Variants in LANCL3 observed in about 807,000 individuals in gnomAD.
LANCL3 encodes lanC-like protein 3.
A neutral mutation model predicts 26.5 loss-of-function variants in LANCL3; 19 were observed. The ratio of observed to expected loss-of-function variants is 0.72; its 90% CI spans 0.50 to 1.05. The LOEUF is 1.05. Among genes scored for constraint, LANCL3 ranks in the 50% least tolerant of loss-of-function variants. The pLI is 0.00. For missense variants in LANCL3, 318 were observed against 362.7 expected, an observed-to-expected ratio of 0.88 and a Z score of 1.00; for synonymous variants, 160 against 166.6, an observed-to-expected ratio of 0.96 and a Z score of 0.30.
chrX:37,572,097 T>C lies in LANCL3; in HGVS notation c.227T>C (p.Leu76Pro), dbSNP rs1556415621. ...YGGVAGVAYMLYHVSQSPLFA... is the reference protein window; with the variant it reads ...YGGVAGVAYMPYHVSQSPLFA... ...GGCGTGGCCGGAGTGGCGTATATGCTCTACCACGTCTCGCAGAGCCCGCTT... is the reference window on the plus strand; with the variant it reads ...GGCGTGGCCGGAGTGGCGTATATGCCCTACCACGTCTCGCAGAGCCCGCTT... The change falls in exon 1 of 5, where the codon CTC becomes CCC. Residue 76 changes from leucine (L) to proline (P), a missense_variant. Leu to Pro is a moderately conservative substitution (Grantham distance 98). Transcript: ENST00000378619. The C allele has an allele frequency of 8.4e-7, 1 of 1,189,782 alleles. No individual in the cohort carries two copies. Among genetic ancestry groups the C allele is most frequent in the East Asian group, 3.0e-5 (1 of 33,399 alleles).
chrX:37,612,100 C>T (rs1348424308), intron 1 of LANCL3, among the ~76,000 whole-genome samples: 3 of 110,093 alleles, frequency 2.7e-5, no homozygotes, highest in African/African-American at 9.9e-5. Context: ...GCCATGAGTC[C>T]TGGCTAATTT....
At chrX:37,651,617 T>TA in intron 1 of LANCL3, among the ~76,000 whole-genome samples, 1 of 111,412 alleles carries the variant, frequency 9.0e-6, no homozygotes, top group African/African-American at 3.3e-5. Flanking sequence ...TTTTTTTTTT[T>TA]ATACTTTAAG....
intron 1 of LANCL3, among the ~76,000 whole-genome samples, chrX:37,649,929 A>T (rs1488632780): frequency 3.6e-5 from 4 of 110,980 alleles, no homozygotes; most frequent in African/African-American, 9.9e-5. Context: ...TGGTTTTAAG[A>T]ACTATTTTTG....
intron 4 of LANCL3, among the ~76,000 whole-genome samples, chrX:37,674,592 G>A (rs1926752862): frequency 1.8e-5 from 2 of 111,468 alleles, no homozygotes; most frequent in Non-Finnish European, 3.8e-5. Context: ...CTCTTACGAT[G>A]CATTAATAGT....
rs913990371 is a variant in LANCL3, at chrX:37,684,234, G to A, written c.*8421G>A. 2 of 112,379 alleles carry A rather than the reference G, an allele frequency of 1.8e-5. No individual in the cohort carries two copies. The highest frequency in any genetic ancestry group is 6.5e-5 in the African/African-American group (2 of 30,874). The allele number at this position is 112,379 out of a possible 1,213,427, so 9.3% of individuals were successfully genotyped here. A position where few individuals can be genotyped will look rare whatever the true frequency, so the allele number is the denominator to read the frequency against. On this transcript the variant is annotated 3_prime_UTR_variant, in exon 5 of 5. Transcript: ENST00000378619. ...CAGAAGCTTAGAGATGCACTTTATG[G>A]TTTTTACAACTGCTGTTACAATGTT...
chrX:37,636,972 A>G (rs1414178799), intron 1 of LANCL3, among the ~76,000 whole-genome samples: 2 of 112,267 alleles, frequency 1.8e-5, no homozygotes, highest in East Asian at 2.8e-4. Flanking sequence ...CTACAGTTCT[A>G]TATTACTTTT....
chrX:37,663,708 C>T (rs1443245503), intron 3 of LANCL3, among the ~76,000 whole-genome samples: 1 of 111,297 alleles, frequency 9.0e-6, no homozygotes, highest in Non-Finnish European at 1.9e-5. Context: ...CTAAAGCAAT[C>T]ATCTAAGAAG....
At chrX:37,645,869 T>C (rs1602125440) in intron 1 of LANCL3, among the ~76,000 whole-genome samples, 1 of 111,917 alleles carries the variant, frequency 8.9e-6, no homozygotes, top group South Asian at 3.8e-4. Context: ...AATCTTTGTT[T>C]TTTATCAAGA....
At chrX:37,595,654 A>T (rs781979928) in intron 1 of LANCL3, among the ~76,000 whole-genome samples, 123 of 112,451 alleles carry the variant, frequency 1.1e-3, no homozygotes, top group Non-Finnish European at 2.0e-3. Context: ...AGGAAACTGT[A>T]ATTTTGTCCT....
intron 1 of LANCL3, among the ~76,000 whole-genome samples, chrX:37,652,607 A>G (rs1926181916): frequency 8.9e-6 from 1 of 112,550 alleles, no homozygotes; most frequent in Admixed American, 9.4e-5. Context: ...AGGGGCTACA[A>G]CTACAGGAGA....
chrX:37,583,794 T>C (rs1189826540), intron 1 of LANCL3, among the ~76,000 whole-genome samples: 2 of 112,129 alleles, frequency 1.8e-5, no homozygotes, highest in Non-Finnish European at 3.8e-5. Flanking sequence ...CTTTTCCTAA[T>C]TGAATACCTT....
intron 1 of LANCL3, among the ~76,000 whole-genome samples, chrX:37,603,977 CCTG>C (rs1924639261): frequency 8.9e-6 from 1 of 112,456 alleles, no homozygotes. Context: ...TGCCAGCTTC[CCTG>C]CTGGGCAGCC....
intron 1 of LANCL3, among the ~76,000 whole-genome samples, chrX:37,647,166 T>G (rs1366856219): frequency 1.8e-5 from 2 of 110,101 alleles, no homozygotes. Context: ...TACAAAAAAT[T>G]AGCCAGGCGT....
Position 37,581,492 on chromosome X carries a change from G to A in LANCL3, c.573+9049G>A, listed in dbSNP as rs782683334. Among the ~76,000 whole-genome samples, 7 of 111,889 alleles carry A rather than the reference G, an allele frequency of 6.3e-5. No individual in the cohort carries two copies. The East Asian group carries it at 2.0e-3, about 31-fold the overall frequency. On this transcript the variant is annotated intron_variant, in intron 1 of 4. Transcript: ENST00000378619. ...TAAATTATTTCATGGTAATTCAAGAGACACCTTATTACATCATTCCCAAAC... is the reference window on the plus strand; with the variant it reads ...TAAATTATTTCATGGTAATTCAAGAAACACCTTATTACATCATTCCCAAAC...
rs138085167 is a variant in LANCL3 at position 37,623,527 on chromosome X, A to C, written c.574-32161A>C. Among the ~76,000 whole-genome samples the C allele has an allele frequency of 1.6e-3, 181 of 112,390 alleles. 1 individual carries two copies. The highest frequency in any genetic ancestry group is 5.4e-3 in the African/African-American group (168 of 31,054). On this transcript the variant is annotated intron_variant, in intron 1 of 4. Coordinates refer to ENST00000378619, the MANE Select transcript of LANCL3 (RefSeq NM_001170331.2). Reference sequence around the variant, plus strand: ...AATCTAATCACTACATCATTGTTTTAAAAAGTGATTCTTTTAAAAGCATTG... The same window carrying C: ...AATCTAATCACTACATCATTGTTTTCAAAAGTGATTCTTTTAAAAGCATTG...
Position 37,684,234 on chromosome X carries a change from G to T in LANCL3, c.*8421G>T. On this transcript the variant is annotated 3_prime_UTR_variant, in exon 5 of 5. Transcript: ENST00000378619. ...CAGAAGCTTAGAGATGCACTTTATG[G>T]TTTTTACAACTGCTGTTACAATGTT... 8.9e-6 allele frequency: 1 copy of T among 112,379 alleles called. No homozygotes were observed. The highest frequency in any genetic ancestry group is 9.4e-5 in the Admixed American group (1 of 10,654). 9.3% of individuals were successfully genotyped at this position (112,379 alleles called of 1,213,427 possible).
At position 37,608,108 on chromosome X, in the gene LANCL3, A is replaced by G. The variant is rs73204907; in HGVS notation, c.573+35665A>G. On this transcript the variant is annotated intron_variant, in intron 1 of 4. Transcript: ENST00000378619. ...CTTTGTTGCTTCCTAGAACTAGTAA[A>G]AGCCTTAAACAATTTGTTTCCCAGG... Among the ~76,000 whole-genome samples the G allele has an allele frequency of 8.0e-3, 901 of 112,156 alleles. 8 individuals carry two copies. Among genetic ancestry groups the G allele is most frequent in the Middle Eastern group, 0.028 (6 of 217 alleles).
At chrX:37,584,029 G>C (rs1465929370) in intron 1 of LANCL3, among the ~76,000 whole-genome samples, 9 of 111,461 alleles carry the variant, frequency 8.1e-5, no homozygotes, top group Non-Finnish European at 1.1e-4. Flanking sequence ...TAACATGAAG[G>C]GCTGTTTAAT....
chrX:37,632,200 T>G (rs1373147517), intron 1 of LANCL3, among the ~76,000 whole-genome samples: 25 of 112,350 alleles, frequency 2.2e-4, no homozygotes, highest in African/African-American at 6.5e-4. Context: ...CCGTTTACCA[T>G]TATGTAATGC....
Sources: gnomAD v4.1 joint callset for allele counts (sites outside exome capture counted in the v4.1 genomes callset) on GRCh38, gnomAD v4.1.1 for gene constraint, MANE v1.5 for transcripts, NCBI Gene and HGNC (gene_info 2026-07-23, HGNC 2026-07-21) for gene names.